Variants in TAFA1 observed in about 807,000 individuals in gnomAD.
TAFA1 encodes the protein chemokine-like protein TAFA-1.
A neutral mutation model predicts 18.5 loss-of-function variants in TAFA1; 4 were observed. The observed-to-expected ratio is 0.22, with a 90% confidence interval of 0.11 to 0.49. The LOEUF is 0.49. TAFA1 is among the 20% of genes least tolerant of loss of function. TAFA1 has a pLI of 0.98. For missense variants in TAFA1, 147 were observed against 169.0 expected (o/e 0.87, Z 0.72); for synonymous variants, 56 against 55.2 (o/e 1.01, Z -0.06).
chr3:68,078,850 C>G (rs992340430), intron 2 of TAFA1, among the ~76,000 whole-genome samples: 1 of 152,198 alleles, frequency 6.6e-6, no homozygotes, highest in Non-Finnish European at 1.5e-5. Flanking sequence ...AGGATTCCCT[C>G]TTTTTCTATT....
intron 4 of TAFA1, among the ~76,000 whole-genome samples, chr3:68,543,439 G>A (rs2106798414): frequency 6.6e-6 from 1 of 152,210 alleles, no homozygotes; most frequent in East Asian, 1.9e-4. Context: ...TCAGACTAGT[G>A]AGAAAATCAA....
At chr3:68,108,297 T>C (rs988711844) in intron 2 of TAFA1, among the ~76,000 whole-genome samples, 1 of 152,120 alleles carries the variant, frequency 6.6e-6, no homozygotes, top group African/African-American at 2.4e-5. Context: ...CTGAATTGTA[T>C]TAAATATTAT....
chr3:68,442,889 T>C (rs1388696617), intron 3 of TAFA1, among the ~76,000 whole-genome samples: 1 of 152,180 alleles, frequency 6.6e-6, no homozygotes, highest in Admixed American at 6.6e-5. Context: ...CATGTTATAG[T>C]CCTGTATACC....
chr3:68,200,290 AT>A (rs1458733407), intron 2 of TAFA1, among the ~76,000 whole-genome samples: 1 of 151,422 alleles, frequency 6.6e-6, no homozygotes, highest in Admixed American at 6.6e-5. Context: ...TGGTCTGTAG[AT>A]TTGTTTTCTT....
At chr3:68,133,786 C>T (rs977289797) in intron 2 of TAFA1, among the ~76,000 whole-genome samples, 3 of 152,030 alleles carry the variant, frequency 2.0e-5, no homozygotes, top group African/African-American at 7.3e-5. Context: ...TATTAGGGAG[C>T]ATGGCAGTCC....
chr3:68,427,263 T>C (rs1219110199), intron 3 of TAFA1, among the ~76,000 whole-genome samples: 3 of 151,868 alleles, frequency 2.0e-5, no homozygotes, highest in Non-Finnish European at 4.4e-5. Context: ...TCATCCTTTC[T>C]TTTTCCAGAA....
chr3:68,086,467 T>C (rs370076695), intron 2 of TAFA1, among the ~76,000 whole-genome samples: 1 of 152,200 alleles, frequency 6.6e-6, no homozygotes, highest in African/African-American at 2.4e-5. Flanking sequence ...TTTGGAAGCA[T>C]CTCTGATTGT....
chr3:68,385,880 G>T (rs2070092296), intron 2 of TAFA1, among the ~76,000 whole-genome samples: 1 of 151,936 alleles, frequency 6.6e-6, no homozygotes, highest in Admixed American at 6.6e-5. Flanking sequence ...AGCAAATCAG[G>T]GTAATTAGCA....
intron 3 of TAFA1, among the ~76,000 whole-genome samples, chr3:68,441,990 A>T (rs184862293): frequency 5.3e-5 from 8 of 152,246 alleles, no homozygotes; most frequent in Admixed American, 3.9e-4. Context: ...ATACTGATAC[A>T]TGGGCTGTAG....
intron 2 of TAFA1, among the ~76,000 whole-genome samples, chr3:68,328,614 C>T (rs183668148): frequency 4.5e-4 from 69 of 152,246 alleles, no homozygotes; most frequent in Middle Eastern, 6.8e-3. Context: ...AGCAGGCTAA[C>T]GTGAGGCATA....
intron 2 of TAFA1, among the ~76,000 whole-genome samples, chr3:68,311,010 G>C (rs1186301634): frequency 1.1e-4 from 16 of 152,160 alleles, no homozygotes. Context: ...CATGGCTGGG[G>C]AGGCCTCACA....
At chr3:68,532,439 G>A (rs1553700868) in intron 3 of TAFA1, among the ~76,000 whole-genome samples, 1 of 152,026 alleles carries the variant, frequency 6.6e-6, no homozygotes, top group Non-Finnish European at 1.5e-5. Context: ...TCGGAGGGGG[G>A]ATGGAGGGTG....
chr3:68,201,875 G>A (rs2066473365), intron 2 of TAFA1, among the ~76,000 whole-genome samples: 1 of 151,708 alleles, frequency 6.6e-6, no homozygotes, highest in South Asian at 2.1e-4. Flanking sequence ...GCCATAACAC[G>A]ATGGAGAATG....
chr3:68,216,077 A>G (rs890823089), intron 2 of TAFA1, among the ~76,000 whole-genome samples: 1 of 152,076 alleles, frequency 6.6e-6, no homozygotes, highest in African/African-American at 2.4e-5. Context: ...TACCTACTCT[A>G]TTATTCCAAC....
At chr3:68,055,289 T>C (rs1322813109) in intron 2 of TAFA1, among the ~76,000 whole-genome samples, 5 of 152,092 alleles carry the variant, frequency 3.3e-5, no homozygotes, top group African/African-American at 9.7e-5. Context: ...TAGATACTCA[T>C]GTGTGTGTAT....
At chr3:68,219,300 A>G (rs997287814) in intron 2 of TAFA1, among the ~76,000 whole-genome samples, 2 of 152,204 alleles carry the variant, frequency 1.3e-5, no homozygotes, top group African/African-American at 4.8e-5. Context: ...ATAACAAAAT[A>G]AAACCTAGAG....
intron 2 of TAFA1, among the ~76,000 whole-genome samples, chr3:68,224,119 A>C (rs1220758910): frequency 6.6e-6 from 1 of 151,894 alleles, no homozygotes; most frequent in Non-Finnish European, 1.5e-5. Context: ...TTTGCTTCTC[A>C]CAGTCAACTT....
At chr3:68,221,872 A>G (rs1210310940) in intron 2 of TAFA1, among the ~76,000 whole-genome samples, 1 of 152,190 alleles carries the variant, frequency 6.6e-6, no homozygotes, top group African/African-American at 2.4e-5. Flanking sequence ...TAATTTGAAC[A>G]CAAAAATTGG....
Position 68,283,440 on chromosome 3 carries a change from A to C in TAFA1, c.119-133840A>C, listed in dbSNP as rs560226413. On this transcript the variant is annotated intron_variant, in intron 2 of 4. Coordinates refer to ENST00000478136, the MANE Select transcript of TAFA1 (RefSeq NM_213609.4). ...AAAAGATTTTTAAAGTAATTTATGCATAATTTTTATATCTCTAAATCTAAT... is the reference window on the plus strand; with the variant it reads ...AAAAGATTTTTAAAGTAATTTATGCCTAATTTTTATATCTCTAAATCTAAT... 3.9e-5 allele frequency among the ~76,000 whole-genome samples: 6 copies of C among 152,334 alleles called. No homozygotes were observed. The South Asian group carries it at 1.2e-3, about 32-fold the overall frequency.
Sources: allele counts gnomAD v4.1 joint callset (sites outside exome capture counted in the v4.1 genomes callset), GRCh38; gene constraint gnomAD v4.1.1; transcripts MANE v1.5; gene names NCBI Gene and HGNC (gene_info 2026-07-23, HGNC 2026-07-21).